Variants in GPC5 observed in about 807,000 individuals in gnomAD.
GPC5 encodes the protein glypican 5.
In GPC5, 47 loss-of-function variants were observed where a neutral mutation model predicts 53.9. The observed-to-expected ratio is 0.87, with a 90% confidence interval of 0.69 to 1.11. The LOEUF is 1.11. Among genes scored for constraint, GPC5 ranks in the 50% most tolerant of loss-of-function variants. GPC5 has a pLI of 0.00. For synonymous variants in GPC5, 286 were observed against 263.3 expected (o/e 1.09, Z -0.84); for missense variants, 748 against 713.1 (o/e 1.05, Z -0.56).
chr13:92,584,687 G>A (rs1406725348), intron 7 of GPC5, among the ~76,000 whole-genome samples: 2 of 152,178 alleles, frequency 1.3e-5, no homozygotes, highest in African/African-American at 2.4e-5. Context: ...TCCAGGGGAT[G>A]TCAGAGGTCT....
At chr13:91,679,507 A>G (rs1365002579) in intron 2 of GPC5, among the ~76,000 whole-genome samples, 1 of 152,182 alleles carries the variant, frequency 6.6e-6, no homozygotes, top group South Asian at 2.1e-4. Context: ...GGTTCCGGAA[A>G]CCTCAGAGTG....
rs554378545 is a variant in GPC5, at chr13:92,040,901, C to T, written c.1402-103929C>T. Among the ~76,000 whole-genome samples, 418 of 152,208 alleles carry T rather than the reference C, an allele frequency of 2.7e-3. 3 individuals are homozygous for T. Among genetic ancestry groups the T allele is most frequent in the African/African-American group, 9.2e-3 (383 of 41,532 alleles). On this transcript the variant is annotated intron_variant, in intron 6 of 7. Coordinates refer to ENST00000377067, the MANE Select transcript of GPC5 (RefSeq NM_004466.6). ...GTTTTGCTTTTGTTACCCAGGCTGC[C>T]GTGCAATGGCAGGACCTCAGCTCAC...
intron 7 of GPC5, among the ~76,000 whole-genome samples, chr13:92,394,697 T>C (rs949559164): frequency 2.0e-5 from 3 of 152,240 alleles, no homozygotes; most frequent in African/African-American, 7.2e-5. Flanking sequence ...CTTCATGTCA[T>C]GAAAGTTACT....
chr13:92,047,806 TAAAAAA>T (rs35020183), intron 6 of GPC5, among the ~76,000 whole-genome samples: 1 of 98,808 alleles, frequency 1.0e-5, no homozygotes. Flanking sequence ...CTGTCTCTAC[TAAAAAA>T]AAAAAAAAAA....
intron 5 of GPC5, among the ~76,000 whole-genome samples, chr13:91,762,586 C>CT (rs35381702): frequency 0.01 from 1,486 of 142,620 alleles, 13 homozygotes; most frequent in Middle Eastern, 0.047. Context: ...TTTTCTATTT[C>CT]TTTTTTTTTT....
chr13:92,730,485 T>C (rs1407653835), intron 7 of GPC5, among the ~76,000 whole-genome samples: 1 of 151,472 alleles, frequency 6.6e-6, no homozygotes, highest in Non-Finnish European at 1.5e-5. Flanking sequence ...ATTTTTTTCC[T>C]GTTGTCTTCC....
rs1555325833 is a variant in GPC5, at chr13:91,571,839, T to TGTGTGTATGTATACACACATATACGTG, written c.326-121348_326-121347insGTGTGTATGTATACACACATATACGTG. On this transcript the variant is annotated intron_variant, in intron 2 of 7. Coordinates refer to ENST00000377067, the MANE Select transcript of GPC5 (RefSeq NM_004466.6). ...CGTGTGTGTATATATACACATATAC[T>TGTGTGTATGTATACACACATATACGTG]TGTGTGTATATACACATATACGTGT... Among the ~76,000 whole-genome samples, 2 of 91,132 alleles carry TGTGTGTATGTATACACACATATACGTG rather than the reference T, an allele frequency of 2.2e-5. 1 individual carries two copies. Among genetic ancestry groups the TGTGTGTATGTATACACACATATACGTG allele is most frequent in the Non-Finnish European group, 3.8e-5 (2 of 52,692 alleles). 59.8% of individuals were successfully genotyped at this position (91,132 alleles called of 152,430 possible). A position where few individuals can be genotyped will look rare whatever the true frequency, so the allele number is the denominator to read the frequency against.
At chr13:92,130,690 G>C (rs2041736520) in intron 6 of GPC5, among the ~76,000 whole-genome samples, 1 of 151,986 alleles carries the variant, frequency 6.6e-6, no homozygotes, top group African/African-American at 2.4e-5. Flanking sequence ...TAATTAACTT[G>C]TCTTTTAGAA....
At chr13:91,657,583 A>C (rs117243189) in intron 2 of GPC5, among the ~76,000 whole-genome samples, 1,830 of 152,226 alleles carry the variant, frequency 0.012, 15 homozygotes, top group Middle Eastern at 0.044. Context: ...CAAAACATGG[A>C]TATTGAGAGA....
At chr13:92,794,893 A>G (rs1400036980) in intron 7 of GPC5, among the ~76,000 whole-genome samples, 2 of 152,160 alleles carry the variant, frequency 1.3e-5, no homozygotes, top group Non-Finnish European at 2.9e-5. Flanking sequence ...AAGGACACAA[A>G]CAAATGGAAG....
chr13:91,486,312 C>A (rs1389168432), intron 2 of GPC5: 1 of 152,186 alleles, frequency 6.6e-6, no homozygotes, highest in Admixed American at 6.5e-5. Flanking sequence ...CATTACCCTG[C>A]AGTTGACAAT....
At chr13:91,859,615 G>A (rs2039004351) in intron 5 of GPC5, among the ~76,000 whole-genome samples, 1 of 151,828 alleles carries the variant, frequency 6.6e-6, no homozygotes, top group South Asian at 2.1e-4. Context: ...TATAGGTTCT[G>A]TAATGATATT....
intron 6 of GPC5, among the ~76,000 whole-genome samples, chr13:92,040,242 G>C (rs975643286): frequency 6.6e-6 from 1 of 152,194 alleles, no homozygotes; most frequent in African/African-American, 2.4e-5. Context: ...CAGCTATGTG[G>C]GTTTTCGCCA....
intron 7 of GPC5, among the ~76,000 whole-genome samples, chr13:92,685,215 C>T (rs555448553): frequency 2.0e-5 from 3 of 152,230 alleles, no homozygotes; most frequent in African/African-American, 7.2e-5. Flanking sequence ...GCCTCAGCCT[C>T]CTGAGTAGCT....
At chr13:91,635,313 T>G (rs184214635) in intron 2 of GPC5, among the ~76,000 whole-genome samples, 10 of 152,272 alleles carry the variant, frequency 6.6e-5, no homozygotes, top group African/African-American at 2.4e-4. Context: ...AATTATTCAA[T>G]TCATGTGTAA....
chr13:91,983,611 C>A (rs2040380658), intron 6 of GPC5, among the ~76,000 whole-genome samples: 1 of 152,190 alleles, frequency 6.6e-6, no homozygotes, highest in Non-Finnish European at 1.5e-5. Flanking sequence ...AAATAGAATT[C>A]TCTCCAGACA....
chr13:92,742,655 C>T (rs1889136673), intron 7 of GPC5, among the ~76,000 whole-genome samples: 1 of 152,064 alleles, frequency 6.6e-6, no homozygotes, highest in Non-Finnish European at 1.5e-5. Context: ...AAGTCCTTGC[C>T]CATGCCTATG....
intron 5 of GPC5, among the ~76,000 whole-genome samples, chr13:91,851,499 C>CT (rs147724402): frequency 0.14 from 20,800 of 148,160 alleles, 1,566 homozygotes; most frequent in African/African-American, 0.21. Context: ...AATACGTTTT[C>CT]TTTTTTTTTT....
chr13:92,020,159 A>T (rs1378431403), intron 6 of GPC5, among the ~76,000 whole-genome samples: 1 of 151,746 alleles, frequency 6.6e-6, no homozygotes, highest in Non-Finnish European at 1.5e-5. Context: ...TCTTTCTTTG[A>T]CTCTGCTCTG....
Sources: gnomAD v4.1 joint callset for allele counts (sites outside exome capture counted in the v4.1 genomes callset) on GRCh38, gnomAD v4.1.1 for gene constraint, MANE v1.5 for transcripts, NCBI Gene and HGNC (gene_info 2026-07-23, HGNC 2026-07-21) for gene names.